The following MUC7 variants were observed in gnomAD, a reference collection of about 807,000 sequenced individuals.
The protein encoded by MUC7 is mucin 7, secreted.
MUC7 carries 2 observed loss-of-function variants against 2.5 expected under a neutral mutation model. That is an observed-to-expected ratio of 0.81 (90% CI 0.33 to 2.55). The LOEUF is 2.55. Ranked by LOEUF, MUC7 falls within the 30% of genes most tolerant of loss-of-function variation. MUC7 has a pLI of 0.11. For missense variants in MUC7, 408 were observed against 455.6 expected (o/e 0.90, Z 0.95); for synonymous variants, 133 against 173.4 (o/e 0.77, Z 1.83).
intron 2 of MUC7, among the ~76,000 whole-genome samples, chr4:70,480,296 G>A (rs1245179569): frequency 1.3e-5 from 2 of 152,180 alleles, no homozygotes; most frequent in Non-Finnish European, 2.9e-5. Context: ...ATGAAGCCGG[G>A]GTGGGATATT....
chr4:70,452,795 T>C (rs1177127434), intron 1 of MUC7, among the ~76,000 whole-genome samples: 1 of 152,210 alleles, frequency 6.6e-6, no homozygotes, highest in African/African-American at 2.4e-5. Flanking sequence ...TTTTCTGCCC[T>C]CAGATGATTT....
At chr4:70,465,436 G>A (rs1734658609) in intron 1 of MUC7, among the ~76,000 whole-genome samples, 1 of 152,022 alleles carries the variant, frequency 6.6e-6, no homozygotes, top group South Asian at 2.1e-4. Flanking sequence ...CAGAAGGTGG[G>A]TAATAACCTT....
intron 2 of MUC7, among the ~76,000 whole-genome samples, chr4:70,477,142 G>A (rs1326755862): frequency 2.0e-5 from 3 of 152,120 alleles, no homozygotes; most frequent in Non-Finnish European, 4.4e-5. Flanking sequence ...GGGTGCCGTG[G>A]CTCACACCTG....
intron 1 of MUC7, among the ~76,000 whole-genome samples, chr4:70,452,955 C>T (rs1734315735): frequency 1.3e-5 from 2 of 152,156 alleles, no homozygotes; most frequent in Non-Finnish European, 2.9e-5. Flanking sequence ...ATATTTTCAC[C>T]AGATATACTA....
intron 1 of MUC7, among the ~76,000 whole-genome samples, chr4:70,465,440 T>A (rs1472819790): frequency 1.3e-5 from 2 of 151,826 alleles, no homozygotes; most frequent in Admixed American, 1.3e-4. Context: ...AGGTGGGTAA[T>A]AACCTTCTCT....
At chr4:70,452,466 C>G (rs910120245) in intron 1 of MUC7, among the ~76,000 whole-genome samples, 2 of 151,770 alleles carry the variant, frequency 1.3e-5, no homozygotes, top group African/African-American at 4.8e-5. Flanking sequence ...CAAATAATAT[C>G]ATATAACCCA....
chr4:70,465,239 T>C (rs1199846801), intron 1 of MUC7, among the ~76,000 whole-genome samples: 2 of 152,032 alleles, frequency 1.3e-5, no homozygotes, highest in African/African-American at 2.4e-5. Context: ...AGAAACCCCA[T>C]CTGAAGGTCA....
At chr4:70,454,340 TC>T (rs1193721869) in intron 1 of MUC7, among the ~76,000 whole-genome samples, 8 of 152,234 alleles carry the variant, frequency 5.3e-5, no homozygotes, top group African/African-American at 1.4e-4. Flanking sequence ...AATGAGTGAT[TC>T]CCTTCTAACT....
chr4:70,445,472 T>C (rs1472049166), intron 1 of MUC7, among the ~76,000 whole-genome samples: 2 of 152,206 alleles, frequency 1.3e-5, no homozygotes, highest in South Asian at 2.1e-4. Flanking sequence ...ATTCCTTTGA[T>C]ACTATTTTAT....
In MUC7 at chr4:70,481,363, G is replaced by A. The variant is rs756534345; in HGVS notation, c.619G>A (p.Ala207Thr). 6.2e-7 allele frequency: 1 copy of A among 1,611,876 alleles called. No individual in the cohort carries two copies. Among genetic ancestry groups the A allele is most frequent in the Non-Finnish European group, 8.5e-7 (1 of 1,179,628 alleles). The change falls in exon 3 of 3, where the codon GCT becomes ACT. Residue 207 changes from alanine to threonine, a missense_variant. Ala to Thr is a moderately conservative substitution (Grantham distance 58, BLOSUM62 0). Coordinates refer to ENST00000304887, the MANE Select transcript of MUC7 (RefSeq NM_152291.3). ...ATTQAPPSSS[A>T]PPETTAAPPT... The stretch of plus-strand genomic sequence containing the variant: ...TACACAAGCTCCACCATCTTCCTCA[G>A]CTCCACCAGAGACCACAGCTGCCCC...
At chr4:70,470,253 G>C (rs1734798382), upstream of MUC7, among the ~76,000 whole-genome samples, 1 of 152,162 alleles carries the variant, frequency 6.6e-6, no homozygotes, top group South Asian at 2.1e-4. Context: ...ACCAGGGCCT[G>C]TTGGCAGGTG....
intron 1 of MUC7, among the ~76,000 whole-genome samples, chr4:70,434,803 T>C (rs1467365009): frequency 6.6e-6 from 1 of 152,306 alleles, no homozygotes; most frequent in East Asian, 1.9e-4. Context: ...GATGTGAGGG[T>C]GTCGATTTTG....
At chr4:70,466,322 C>A (rs1416849513) in intron 1 of MUC7, among the ~76,000 whole-genome samples, 1 of 152,126 alleles carries the variant, frequency 6.6e-6, no homozygotes, top group Non-Finnish European at 1.5e-5. Context: ...ATTGTAAAGA[C>A]CATTGAGGCT....
intron 1 of MUC7, among the ~76,000 whole-genome samples, chr4:70,439,469 G>T (rs942065904): frequency 6.6e-6 from 1 of 152,144 alleles, no homozygotes; most frequent in East Asian, 1.9e-4. Context: ...GGCTATAGGG[G>T]ATCAAAATGA....
At chr4:70,469,290 A>G (rs932441086), upstream of MUC7, among the ~76,000 whole-genome samples, 1 of 152,220 alleles carries the variant, frequency 6.6e-6, no homozygotes, top group Non-Finnish European at 1.5e-5. Context: ...GTAAGACCTA[A>G]AACCATAAAA....
chr4:70,434,583 T>C (rs1577895839), intron 1 of MUC7, among the ~76,000 whole-genome samples: 2 of 152,354 alleles, frequency 1.3e-5, no homozygotes, highest in East Asian at 3.9e-4. Flanking sequence ...TATCATTTTT[T>C]ATTGCATCTA....
Position 70,452,853 on chromosome 4 carries a change from T to C in MUC7, c.-92-19362T>C, listed in dbSNP as rs189671925. 2.7e-3 allele frequency among the ~76,000 whole-genome samples: 405 copies of C among 152,354 alleles called. 1 individual carries two copies. The highest frequency in any genetic ancestry group is 4.9e-3 in the Non-Finnish European group (335 of 68,030). On this transcript the variant is annotated intron_variant, in intron 1 of 3. Coordinates refer to the MUC7 transcript ENST00000413702. ...TTCTTTCAGATCAAAGAATTCCCTT[T>C]AGCATTTCTTGTAAGACAGGTCTGG...
chr4:70,477,618 T>C (rs1735041826), intron 2 of MUC7, among the ~76,000 whole-genome samples: 2 of 152,110 alleles, frequency 1.3e-5, no homozygotes, highest in South Asian at 4.1e-4. Context: ...TACTCTATCC[T>C]TGTTCCTCAT....
intron 1 of MUC7, among the ~76,000 whole-genome samples, chr4:70,473,427 G>C (rs575701703): frequency 8.1e-5 from 12 of 149,002 alleles, no homozygotes; most frequent in South Asian, 2.2e-4. Context: ...CTGGACAACA[G>C]AGCGAGACTC....
Sources: gnomAD v4.1 joint callset for allele counts (sites outside exome capture counted in the v4.1 genomes callset) on GRCh38, gnomAD v4.1.1 for gene constraint, MANE v1.5 for transcripts, NCBI Gene and HGNC (gene_info 2026-07-23, HGNC 2026-07-21) for gene names.